The following NDRG1 variants were observed in gnomAD, a reference collection of about 807,000 sequenced individuals.
NDRG1 encodes the protein protein NDRG1.
In NDRG1, 32 loss-of-function variants were observed where a neutral mutation model predicts 56.9. The ratio of observed to expected loss-of-function variants is 0.56; its 90% CI spans 0.42 to 0.76. The LOEUF is 0.76. Ranked by LOEUF, NDRG1 falls within the 30% of genes least tolerant of loss-of-function variation. NDRG1 has a pLI of 0.00. For missense variants in NDRG1, 507 were observed against 545.7 expected (o/e 0.93, Z 0.71); for synonymous variants, 211 against 204.1 (o/e 1.03, Z -0.29).
At chr8:133,264,426 C>T in intron 4 of NDRG1, 121 bp downstream of exon 4, 1 of 855,012 alleles carries the variant, frequency 1.2e-6, no homozygotes, top group Non-Finnish European at 1.9e-6. Flanking sequence ...CCAGAACAGC[C>T]CCAGGAAGTC....
At chr8:133,278,887 CTTTTT>C (rs34187643) in intron 3 of NDRG1, among the ~76,000 whole-genome samples, 4 of 125,612 alleles carry the variant, frequency 3.2e-5, no homozygotes, top group African/African-American at 9.4e-5. Context: ...CTCTCTTCTT[CTTTTT>C]TTTTTTTTTT....
At chr8:133,296,087 G>T (rs773036828) in intron 1 of NDRG1, among the ~76,000 whole-genome samples, 4 of 152,136 alleles carry the variant, frequency 2.6e-5, no homozygotes, top group Non-Finnish European at 4.4e-5. Context: ...TGACAGAGGC[G>T]TGACAGCGTG....
In NDRG1 at chr8:133,264,890, G is replaced by A. The variant is rs1382311475; in HGVS notation, c.100-238C>T. 10 of 561,470 alleles carry A rather than the reference G, an allele frequency of 1.8e-5. No individual in the cohort carries two copies. The East Asian group carries it at 2.8e-4, about 16-fold the overall frequency. 34.8% of individuals were successfully genotyped at this position (561,470 alleles called of 1,614,324 possible). A position where few individuals can be genotyped will look rare whatever the true frequency, so the allele number is the denominator to read the frequency against. ...CCTGGCTCAGACTGCGCTGTTAAAT[G>A]CACCAAATGCTGGGGAAAGGGCTTG... On this transcript the variant is annotated intron_variant, in intron 3 of 15. Coordinates refer to ENST00000323851, the MANE Select transcript of NDRG1 (RefSeq NM_006096.4).
rs761635299 is a variant in NDRG1 at position 133,256,765 on chromosome 8, C to T, written c.537+12G>A. 7 of 1,613,802 alleles carry T rather than the reference C, an allele frequency of 4.3e-6. No individual in the cohort carries two copies. In the Admixed American group the frequency reaches 1.2e-4, roughly 27 times the overall value. On this transcript the variant is annotated intron_variant, in intron 8 of 15. Transcript: ENST00000323851. Reference sequence around the variant, plus strand: ...GCAGGGATCCCGCCGGCCTGACAGGCCCCCACCTCACCTTGGAGGCGGCCC... The same window carrying T: ...GCAGGGATCCCGCCGGCCTGACAGGTCCCCACCTCACCTTGGAGGCGGCCC...
At position 133,250,304 on chromosome 8, in the gene NDRG1, T is replaced by C. The variant is rs1855942184; in HGVS notation, c.698+136A>G. ...GTGTCCTTCCTGGGGACACCTGTCCTATTAATCTATTTGCTCAAACTCAGA... is the reference window on the plus strand; with the variant it reads ...GTGTCCTTCCTGGGGACACCTGTCCCATTAATCTATTTGCTCAAACTCAGA... On this transcript the variant is annotated intron_variant, in intron 10 of 15. Transcript: ENST00000323851. 4 of 835,286 alleles carry C rather than the reference T, an allele frequency of 4.8e-6. No individual in the cohort carries two copies. In the East Asian group the frequency reaches 7.5e-5, roughly 16 times the overall value. 51.7% of individuals were successfully genotyped at this position (835,286 alleles called of 1,614,324 possible).
intron 15 of NDRG1, chr8:133,241,136 G>A (rs58851376): frequency 1.3e-5 from 2 of 152,262 alleles, no homozygotes; most frequent in Admixed American, 6.5e-5. Context: ...TGATAAAAGG[G>A]ATCAGAAGTT....
intron 1 of NDRG1, among the ~76,000 whole-genome samples, chr8:133,290,809 C>T (rs1357101980): frequency 1.3e-5 from 2 of 152,210 alleles, no homozygotes; most frequent in Non-Finnish European, 2.9e-5. Context: ...CCCATAGTAC[C>T]TTCCTAAGAC....
At chr8:133,284,898 TA>T (rs1280181265) in intron 1 of NDRG1, 2 of 453,986 alleles carry the variant, frequency 4.4e-6, no homozygotes, top group Non-Finnish European at 8.9e-6. Flanking sequence ...GGCTGCCTGC[TA>T]AAAGGGAAGA....
At chr8:133,264,094 T>C (rs1474013455) in intron 4 of NDRG1, among the ~76,000 whole-genome samples, 2 of 151,966 alleles carry the variant, frequency 1.3e-5, no homozygotes, top group African/African-American at 4.8e-5. Flanking sequence ...AAAAATCACA[T>C]ATTATTTGAT....
chr8:133,243,003 T>G (rs1391974856), intron 14 of NDRG1, among the ~76,000 whole-genome samples: 1 of 152,220 alleles, frequency 6.6e-6, no homozygotes, highest in Non-Finnish European at 1.5e-5. Context: ...AATGTAAACT[T>G]GGAGGTGAAT....
In NDRG1 at chr8:133,250,324, C is replaced by T. The variant is rs576933930; in HGVS notation, c.698+116G>A. On this transcript the variant is annotated intron_variant, in intron 10 of 15. Coordinates refer to ENST00000323851, the MANE Select transcript of NDRG1 (RefSeq NM_006096.4). ...TGTCCTATTAATCTATTTGCTCAAA[C>T]TCAGAGCCTGCCTCTTCCGCTCATT... 41 of 999,072 alleles carry T rather than the reference C, an allele frequency of 4.1e-5. 1 individual carries two copies. The South Asian group carries it at 5.2e-4, about 13-fold the overall frequency. The allele number at this position is 999,072 out of a possible 1,614,324, so 61.9% of individuals were successfully genotyped here. A position where few individuals can be genotyped will look rare whatever the true frequency, so the allele number is the denominator to read the frequency against.
At position 133,244,494 on chromosome 8, in the gene NDRG1, TG is replaced by T. The variant is rs1477504387; in HGVS notation, c.856-105del. On this transcript the variant is annotated intron_variant, in intron 13 of 15. Coordinates refer to ENST00000323851, the MANE Select transcript of NDRG1 (RefSeq NM_006096.4). The stretch of plus-strand genomic sequence containing the variant: ...TGCCCATCCGCCCGCTGCCCTGCCC[TG>T]CCTTGTCCTGCCTTACAAAGGAGGA... The T allele has an allele frequency of 2.4e-5, 31 of 1,278,226 alleles. No individual in the cohort carries two copies. In the East Asian group the frequency reaches 7.7e-4, roughly 32 times the overall value. 79.2% of individuals were successfully genotyped at this position (1,278,226 alleles called of 1,614,324 possible).
chr8:133,252,393 C>T (rs1856102261), intron 9 of NDRG1, among the ~76,000 whole-genome samples: 1 of 152,204 alleles, frequency 6.6e-6, no homozygotes, highest in Non-Finnish European at 1.5e-5. Flanking sequence ...CCCTGCTCAT[C>T]CCACTTTCGC....
At chr8:133,243,184 A>G (rs563923375) in intron 14 of NDRG1, among the ~76,000 whole-genome samples, 15 of 152,320 alleles carry the variant, frequency 9.8e-5, no homozygotes, top group Non-Finnish European at 1.5e-5. Flanking sequence ...TTCCACAAAG[A>G]GCCAAATGAC....
At chr8:133,254,094 A>G in intron 9 of NDRG1, among the ~76,000 whole-genome samples, 1 of 150,394 alleles carries the variant, frequency 6.6e-6, no homozygotes. Flanking sequence ...AAAAAAAAAG[A>G]GTACCTACTA....
intron 1 of NDRG1, among the ~76,000 whole-genome samples, chr8:133,294,083 T>C (rs1475506158): frequency 6.6e-6 from 1 of 152,230 alleles, no homozygotes; most frequent in African/African-American, 2.4e-5. Flanking sequence ...GCATCATGTC[T>C]GTTACTCTCA....
Position 133,264,594 on chromosome 8 carries a change from T to G in NDRG1, c.158A>C (p.Lys53Thr), listed in dbSNP as rs140634799. The change falls in exon 4 of 16, where the codon AAG becomes ACG. Residue 53 changes from lysine (K) to threonine (T), a missense_variant. Physicochemically the swap from Lys to Thr is moderately conservative, Grantham distance 78 (BLOSUM62 -1). Coordinates refer to ENST00000323851, the MANE Select transcript of NDRG1 (RefSeq NM_006096.4). Reference protein sequence around the residue: ...SVHVTLCGTPKGNRPVILTYH... With the variant: ...SVHVTLCGTPTGNRPVILTYH... ...GGTGAGGATGACAGGCCGGTTTCCC[T>G]TGGGAGTCCCACACAGCGTGACGTG... is the stretch of plus-strand genomic sequence containing the variant. The G allele has an allele frequency of 5.0e-6, 8 of 1,614,088 alleles. No individual in the cohort carries two copies. The African/African-American group carries it at 1.1e-4, about 22-fold the overall frequency.
chr8:133,254,043 C>G (rs1856225503), intron 9 of NDRG1, among the ~76,000 whole-genome samples: 1 of 143,448 alleles, frequency 7.0e-6, no homozygotes, highest in African/African-American at 2.6e-5. Context: ...GGACAAATCT[C>G]AAAATGGTTA....
intron 3 of NDRG1, among the ~76,000 whole-genome samples, chr8:133,267,048 C>T (rs181084902): frequency 1.4e-4 from 21 of 152,294 alleles, no homozygotes; most frequent in Middle Eastern, 3.4e-3. Flanking sequence ...CCCTCCCCAG[C>T]GGAGGAGTGC....
Sources: allele counts gnomAD v4.1 joint callset (sites outside exome capture counted in the v4.1 genomes callset), GRCh38; gene constraint gnomAD v4.1.1; transcripts MANE v1.5; gene names NCBI Gene and HGNC (gene_info 2026-07-23, HGNC 2026-07-21).